Variants in KCNT1 observed in about 807,000 individuals in gnomAD.
KCNT1 encodes potassium channel subfamily T member 1.
In KCNT1, 78 loss-of-function variants were observed where a neutral mutation model predicts 147.8. The observed-to-expected ratio is 0.53, with a 90% CI of 0.44 to 0.64. The LOEUF (loss-of-function observed/expected upper bound fraction) is 0.64. Among genes scored for constraint, KCNT1 ranks in the 30% least tolerant of loss-of-function variants. KCNT1 has a pLI of 0.00. For missense variants in KCNT1, 1,419 were observed against 1,750.3 expected (o/e 0.81, Z 3.38); for synonymous variants, 867 against 748.8 (o/e 1.16, Z -2.58).
intron 11 of KCNT1, among the ~76,000 whole-genome samples, chr9:135,760,451 A>G (rs1280373352): frequency 6.6e-6 from 1 of 152,086 alleles, no homozygotes; most frequent in Non-Finnish European, 1.5e-5. Flanking sequence ...GCTATTGGGG[A>G]GATGGGAGAA....
intron 20 of KCNT1, 88 bp downstream of exon 20, chr9:135,775,503 T>C: frequency 2.2e-6 from 2 of 926,760 alleles, no homozygotes; most frequent in Non-Finnish European, 3.3e-6. Flanking sequence ...TTGGTCACTT[T>C]ACATTTCGAT....
intron 11 of KCNT1, among the ~76,000 whole-genome samples, chr9:135,760,876 G>A (rs549932685): frequency 1.3e-5 from 2 of 152,320 alleles, no homozygotes; most frequent in Admixed American, 1.3e-4. Flanking sequence ...TGAGCTGCCC[G>A]CTCCTCTTTG....
intron 2 of KCNT1, among the ~76,000 whole-genome samples, chr9:135,740,557 AC>A (rs1220461455): frequency 2.0e-5 from 3 of 152,026 alleles, no homozygotes; most frequent in African/African-American, 2.4e-5. Flanking sequence ...CTCCTTCCCG[AC>A]CCCAGCCCCA....
At chr9:135,776,211 C>T (rs576661667) in intron 20 of KCNT1, among the ~76,000 whole-genome samples, 48 of 152,092 alleles carry the variant, frequency 3.2e-4, no homozygotes, top group Non-Finnish European at 5.6e-4. Context: ...GCAAACCACT[C>T]GACCCAGCGG....
chr9:135,775,445 AC>A, intron 20 of KCNT1, 30 bp downstream of exon 20: 2 of 1,552,020 alleles, frequency 1.3e-6, no homozygotes, highest in Non-Finnish European at 1.8e-6. Flanking sequence ...CGCGCTCTGC[AC>A]CCCCAGACGC....
chr9:135,788,634 C>G (rs1834255076), intron 29 of KCNT1, among the ~76,000 whole-genome samples: 2 of 152,168 alleles, frequency 1.3e-5, no homozygotes, highest in South Asian at 4.1e-4. Context: ...CTCGGTGAAG[C>G]CTGGGCTGGA....
Position 135,702,422 on chromosome 9 carries a change from C to T in KCNT1, c.110+54C>T. 3 of 1,365,964 alleles carry T rather than the reference C, an allele frequency of 2.2e-6. No individual in the cohort carries two copies. The African/African-American group carries it at 4.3e-5, about 19-fold the overall frequency. 84.6% of individuals were successfully genotyped at this position (1,365,964 alleles called of 1,614,324 possible). A position where few individuals can be genotyped will look rare whatever the true frequency, so the allele number is the denominator to read the frequency against. ...GGGAGGCCCCGGTCTAACCTAAGAC[C>T]CCCAAGTTCCCCCTCAGGCTCCCGC... On this transcript the variant is annotated intron_variant, in intron 1 of 30. Transcript: ENST00000371757.
chr9:135,754,959 A>G lies in KCNT1; in HGVS notation c.492-162A>G, dbSNP rs151164244. On this transcript the variant is annotated intron_variant, in intron 5 of 30. Transcript: ENST00000371757. ...GGGAACCTTCCCTTCCCTCCTCCTT[A>G]TGGTCCCCTCCAAAGGCAAGGTAGG... Among the ~76,000 whole-genome samples, 350 of 151,946 alleles carry G rather than the reference A, an allele frequency of 2.3e-3. 1 individual carries two copies. The highest frequency in any genetic ancestry group is 7.9e-3 in the African/African-American group (328 of 41,460).
Position 135,768,258 on chromosome 9 carries a change from CACTGGGATACCGGT to C in KCNT1, c.1338-351_1338-338del, listed in dbSNP as rs1832448893. ...ATGCCTGCGGGGGGGGGGGGGGGGG[CACTGGGATACCGGT>C]GGGGGGGGCACAGGGATGCCTGCTG... On this transcript the variant is annotated intron_variant, in intron 13 of 30. Coordinates refer to ENST00000371757, the MANE Select transcript of KCNT1 (RefSeq NM_020822.3). Among the ~76,000 whole-genome samples the C allele has an allele frequency of 2.0e-3, 5 of 2,502 alleles. 1 individual carries two copies. Among genetic ancestry groups the C allele is most frequent in the Middle Eastern group, 0.17 (1 of 6 alleles). 1.6% of individuals were successfully genotyped at this position (2,502 alleles called of 152,430 possible).
intron 2 of KCNT1, among the ~76,000 whole-genome samples, chr9:135,744,605 G>T (rs958711634): frequency 2.0e-5 from 3 of 152,234 alleles, no homozygotes; most frequent in Non-Finnish European, 4.4e-5. Context: ...AGCCTCGGGG[G>T]GCTACAGCGG....
At chr9:135,726,295 G>A (rs578015449) in intron 2 of KCNT1, among the ~76,000 whole-genome samples, 568 of 152,192 alleles carry the variant, frequency 3.7e-3, no homozygotes, top group African/African-American at 0.013. Flanking sequence ...CTCCCGGCCT[G>A]CAGGGCCCTC....
chr9:135,770,458 G>C lies in KCNT1; in HGVS notation c.1769+11G>C. On this transcript the variant is annotated intron_variant, in intron 17 of 30. Transcript: ENST00000371757. ...CCACGCCCACAAGAAGTAAGGCCGG[G>C]CTGCATCCACAGGGCTGGCGCTCCA... is the stretch of plus-strand genomic sequence containing the variant. 6.2e-7 allele frequency: 1 copy of C among 1,606,480 alleles called. No homozygotes were observed. Among genetic ancestry groups the C allele is most frequent in the Non-Finnish European group, 8.5e-7 (1 of 1,176,360 alleles).
chr9:135,735,585 T>G (rs2131371101), intron 2 of KCNT1, among the ~76,000 whole-genome samples: 1 of 152,246 alleles, frequency 6.6e-6, no homozygotes, highest in African/African-American at 2.4e-5. Context: ...GGAGGGCTTC[T>G]GGTGTGAGTT....
Position 135,702,192 on chromosome 9 carries a change from C to T in KCNT1, c.-67C>T. 3.3e-6 allele frequency: 4 copies of T among 1,204,124 alleles called. No homozygotes were observed. Among genetic ancestry groups the T allele is most frequent in the Middle Eastern group, 2.0e-4 (1 of 5,100 alleles). The allele number at this position is 1,204,124 out of a possible 1,614,324, so 74.6% of individuals were successfully genotyped here. ...AAAAAAAAAATGTTTTTCAGGGCAA[C>T]GCGAGGGAAGAAGGTGGCGGCTCCC... On this transcript the variant is annotated 5_prime_UTR_variant, in exon 1 of 31. The change creates a new upstream start codon in the 5' untranslated region. Transcript: ENST00000371757.
At position 135,730,203 on chromosome 9, in the gene KCNT1, C is replaced by T. The variant is rs1335421332; in HGVS notation, c.254+15483C>T. The stretch of plus-strand genomic sequence containing the variant: ...AGTGTTGAATTGCAGCCTCTAGTGG[C>T]GACAACAAGGAAAGGGGTTCCCTGG... On this transcript the variant is annotated intron_variant, in intron 2 of 30. Coordinates refer to ENST00000371757, the MANE Select transcript of KCNT1 (RefSeq NM_020822.3). The surrounding 1 kb of genome is among the most constrained non-coding windows in gnomAD (Gnocchi z 4.7). Among the ~76,000 whole-genome samples the T allele has an allele frequency of 1.3e-5, 2 of 152,114 alleles. No individual in the cohort carries two copies. The highest frequency in any genetic ancestry group is 2.1e-4 in the South Asian group (1 of 4,824).
chr9:135,782,970 C>T (rs1400082685), intron 24 of KCNT1, among the ~76,000 whole-genome samples: 2 of 152,238 alleles, frequency 1.3e-5, no homozygotes, highest in Admixed American at 6.5e-5. Context: ...GGGCTTCTGC[C>T]TGCTTGTCCT....
At chr9:135,717,162 C>A (rs567888094) in intron 2 of KCNT1, among the ~76,000 whole-genome samples, 1 of 145,892 alleles carries the variant, frequency 6.9e-6, no homozygotes. Flanking sequence ...GGGAGGGGAC[C>A]TGGCCCTGTG....
intron 9 of KCNT1, among the ~76,000 whole-genome samples, chr9:135,757,678 G>A (rs1176416124): frequency 2.0e-5 from 3 of 152,174 alleles, no homozygotes; most frequent in Non-Finnish European, 4.4e-5. Context: ...CCCAGGCCAC[G>A]AGGACCAGGG....
chr9:135,707,248 A>G (rs1379777790), intron 1 of KCNT1, among the ~76,000 whole-genome samples: 1 of 152,244 alleles, frequency 6.6e-6, no homozygotes, highest in South Asian at 2.1e-4. Flanking sequence ...GGGAATGAGC[A>G]GGGGCATGGT....
Sources: allele counts gnomAD v4.1 joint callset (sites outside exome capture counted in the v4.1 genomes callset), GRCh38; gene constraint gnomAD v4.1.1; non-coding constraint Gnocchi (gnomAD v3.1); transcripts MANE v1.5; gene names NCBI Gene and HGNC (gene_info 2026-07-23, HGNC 2026-07-21).